The following ECHDC3 variants were observed in gnomAD, a reference collection of about 807,000 sequenced individuals.
ECHDC3 encodes the protein enoyl-CoA hydratase domain-containing protein 3, mitochondrial.
Under a neutral mutation model 17.9 loss-of-function variants are expected in ECHDC3, and 20 were observed. The ratio of observed to expected loss-of-function variants is 1.12; its 90% CI spans 0.79 to 1.63. The LOEUF (loss-of-function observed/expected upper bound fraction) is 1.63. Among genes scored for constraint, ECHDC3 ranks in the 40% most tolerant of loss-of-function variants. The probability of loss-of-function intolerance (pLI) is 0.00; values close to 1 mark genes in which losing one functional copy is unlikely to be tolerated. For synonymous variants in ECHDC3, 177 were observed against 149.7 expected (o/e 1.18, Z -1.33); for missense variants, 407 against 357.7 (o/e 1.14, Z -1.11).
intron 2 of ECHDC3, 35 bp from the exon 3 acceptor site, chr10:11,749,460 T>C: frequency 6.2e-7 from 1 of 1,610,432 alleles, no homozygotes; most frequent in Non-Finnish European, 8.5e-7. Flanking sequence ...GTTTACATCT[T>C]TTTGTTTTCT....
Position 11,747,467 on chromosome 10 carries a change from T to C in ECHDC3, c.289T>C (p.Ser97Pro), listed in dbSNP as rs780276308. 2 of 1,613,642 alleles carry C rather than the reference T, an allele frequency of 1.2e-6. No homozygotes were observed. The highest frequency in any genetic ancestry group is 1.7e-6 in the Non-Finnish European group (2 of 1,179,922). ...CAACGATCTGAAAGTCATTATCATC[T>C]CGGGTATGTATCTGATATCTGTCCT... ...DSNDLKVIII[S>P]AEGPVFSSGH... The change falls in exon 2 of 5, where the codon TCG becomes CCG. Residue 97 changes from serine (S) to proline (P), a missense_variant. By Grantham distance (74) the Ser-to-Pro change is moderately conservative. Transcript: ENST00000379215.
rs1249569303 is a variant in ECHDC3, at chr10:11,763,277, G to C, written c.645G>C (p.Leu215=). 3 of 780,282 alleles carry C rather than the reference G, an allele frequency of 3.8e-6. No homozygotes were observed. The highest frequency in any genetic ancestry group is 1.7e-5 in the African/African-American group (1 of 59,226). The allele number at this position is 780,282 out of a possible 1,614,324, so 48.3% of individuals were successfully genotyped here. ...AGCCCATTTCTGCCCAGGAGGCCCT[G>C]CTCCACGGGCTGCTTAGCAAGGTGG... The part of the protein sequence containing the change: ...TGEPISAQEA[L]LHGLLSKVVP... Residue 215 remains leucine, a synonymous_variant, in exon 5 of 5, where the codon CTG becomes CTC. Transcript: ENST00000379215. This position sits in a 1 kb window ranked among gnomAD's most constrained non-coding sequence, Gnocchi z 4.9.
intron 3 of ECHDC3, among the ~76,000 whole-genome samples, chr10:11,753,229 A>C (rs977240947): frequency 6.6e-6 from 1 of 152,088 alleles, no homozygotes; most frequent in African/African-American, 2.4e-5. Flanking sequence ...AAAAATACAA[A>C]AAAGTTAGCC....
At chr10:11,748,560 A>C (rs1237380646) in intron 2 of ECHDC3, among the ~76,000 whole-genome samples, 2 of 152,116 alleles carry the variant, frequency 1.3e-5, no homozygotes, top group Non-Finnish European at 2.9e-5. Flanking sequence ...TACCTCACTT[A>C]CAAAAAGACA....
At chr10:11,755,370 C>G (rs1233824567) in intron 3 of ECHDC3, 38 bp from the exon 4 acceptor site, 1 of 1,563,118 alleles carries the variant, frequency 6.4e-7, no homozygotes, top group Non-Finnish European at 8.8e-7. Flanking sequence ...TCGTGCCTCC[C>G]TCTGGGTGGA....
At chr10:11,747,611 C>G in intron 2 of ECHDC3, 141 bp downstream of exon 2, 1 of 1,045,340 alleles carries the variant, frequency 9.6e-7, no homozygotes, top group Admixed American at 2.3e-5. Context: ...TGGAAAACAC[C>G]TGTGTAGTTG....
chr10:11,751,884 C>T (rs533229287), intron 3 of ECHDC3, among the ~76,000 whole-genome samples: 4 of 152,280 alleles, frequency 2.6e-5, no homozygotes, highest in African/African-American at 9.6e-5. Flanking sequence ...AGATTTCTTG[C>T]TTTGGGGAGA....
chr10:11,751,079 G>C (rs1832818405), intron 3 of ECHDC3, among the ~76,000 whole-genome samples: 1 of 152,142 alleles, frequency 6.6e-6, no homozygotes, highest in Non-Finnish European at 1.5e-5. Flanking sequence ...TCCACTCTTG[G>C]GTTTGCCAAG....
At position 11,763,474 on chromosome 10, in the gene ECHDC3, G is replaced by T. The variant is rs111542060; in HGVS notation, c.842G>T (p.Arg281Leu). Residue 281 changes from arginine to leucine, a missense_variant, in exon 5 of 5, where the codon CGG becomes CTG. Transcript: ENST00000379215. The surrounding 1 kb of genome is among the most constrained non-coding windows in gnomAD (Gnocchi z 4.9). ...GCCATGGTGGACAACCTGGCCCTGC[G>T]GGACGGGCAGGAGGGCATCACGGCC... Reference protein sequence around the residue: ...SQAMVDNLALRDGQEGITAFL... With the variant: ...SQAMVDNLALLDGQEGITAFL... 8.1e-4 allele frequency: 873 copies of T among 1,082,114 alleles called. 1 individual carries two copies. The African/African-American group carries it at 0.012, about 15-fold the overall frequency. 67.0% of individuals were successfully genotyped at this position (1,082,114 alleles called of 1,614,324 possible). A position where few individuals can be genotyped will look rare whatever the true frequency, so the allele number is the denominator to read the frequency against.
At chr10:11,747,578 C>G in intron 2 of ECHDC3, 108 bp downstream of exon 2, 1 of 1,355,836 alleles carries the variant, frequency 7.4e-7, no homozygotes, top group Non-Finnish European at 1.0e-6. Flanking sequence ...TGTTTTGAAG[C>G]TCCTTTACAA....
chr10:11,756,078 C>G (rs1832884102), intron 4 of ECHDC3, among the ~76,000 whole-genome samples: 1 of 152,126 alleles, frequency 6.6e-6, no homozygotes, highest in Admixed American at 6.5e-5. Context: ...CTGTCTTGTT[C>G]CAGAACGGAT....
intron 1 of ECHDC3, 84 bp from the exon 2 acceptor site, chr10:11,747,265 C>T (rs2133787299): frequency 6.5e-7 from 1 of 1,541,326 alleles, no homozygotes; most frequent in Non-Finnish European, 8.8e-7. Flanking sequence ...GTTAAAAATA[C>T]CTCCTAAATT....
chr10:11,746,738 C>T (rs1057280594), intron 1 of ECHDC3, among the ~76,000 whole-genome samples: 3 of 152,154 alleles, frequency 2.0e-5, no homozygotes. Context: ...GAGTTCAAGA[C>T]CAGCCTAGCC....
chr10:11,763,680 C>T lies in ECHDC3; in HGVS notation c.*136C>T. The T allele has an allele frequency of 1.4e-6, 2 of 1,428,174 alleles. No individual in the cohort carries two copies. Among genetic ancestry groups the T allele is most frequent in the South Asian group, 1.5e-5 (1 of 66,176 alleles). The allele number at this position is 1,428,174 out of a possible 1,614,324, so 88.5% of individuals were successfully genotyped here. A position where few individuals can be genotyped will look rare whatever the true frequency, so the allele number is the denominator to read the frequency against. On this transcript the variant is annotated 3_prime_UTR_variant, in exon 5 of 5. Transcript: ENST00000379215. The surrounding 1 kb of genome is among the most constrained non-coding windows in gnomAD (Gnocchi z 4.9). ...TTGATATTGGTGTCATAGCATTTGG[C>T]CTACATTAAAAGCCACAATTTCATG...
intron 4 of ECHDC3, among the ~76,000 whole-genome samples, chr10:11,757,486 C>T (rs577199048): frequency 3.9e-5 from 6 of 152,148 alleles, no homozygotes; most frequent in Non-Finnish European, 7.3e-5. Flanking sequence ...TTTTACCTCC[C>T]AAGGACAGAG....
intron 3 of ECHDC3, among the ~76,000 whole-genome samples, chr10:11,753,570 C>T (rs1384511938): frequency 6.6e-6 from 1 of 152,136 alleles, no homozygotes; most frequent in Non-Finnish European, 1.5e-5. Flanking sequence ...CAACAACACT[C>T]AGAACGAAAA....
At chr10:11,745,941 C>A (rs188515856) in intron 1 of ECHDC3, among the ~76,000 whole-genome samples, 67 of 152,268 alleles carry the variant, frequency 4.4e-4, no homozygotes, top group African/African-American at 1.4e-3. Flanking sequence ...CCAGAAGAGC[C>A]CTCTTGCTGT....
chr10:11,742,490 C>A lies in ECHDC3; in HGVS notation c.-87C>A. 8.4e-7 allele frequency: 1 copy of A among 1,190,682 alleles called. No individual in the cohort carries two copies. The highest frequency in any genetic ancestry group is 1.1e-6 in the Non-Finnish European group (1 of 948,382). 73.8% of individuals were successfully genotyped at this position (1,190,682 alleles called of 1,614,324 possible). The stretch of plus-strand genomic sequence containing the variant: ...GAGTTCCGTCGAGTTCCGTCCCGGC[C>A]CTGCTCACAGCAGCGCCCTCGGAGC... On this transcript the variant is annotated 5_prime_UTR_variant, in exon 1 of 5. Transcript: ENST00000379215.
intron 3 of ECHDC3, among the ~76,000 whole-genome samples, chr10:11,751,106 GT>G (rs1832818599): frequency 6.6e-6 from 1 of 152,132 alleles, no homozygotes; most frequent in Non-Finnish European, 1.5e-5. Flanking sequence ...TGCTTTAAAA[GT>G]TTTTTTCTAC....
Sources: allele counts gnomAD v4.1 joint callset (sites outside exome capture counted in the v4.1 genomes callset), GRCh38; gene constraint gnomAD v4.1.1; non-coding constraint Gnocchi (gnomAD v3.1); transcripts MANE v1.5; gene names NCBI Gene and HGNC (gene_info 2026-07-23, HGNC 2026-07-21).